GC: variants seen among roughly 807,000 people sequenced by gnomAD.
GC encodes the protein GC vitamin D binding protein.
Under a neutral mutation model 56.7 loss-of-function variants are expected in GC, and 43 were observed. The observed-to-expected ratio is 0.76, with a 90% confidence interval of 0.59 to 0.98. The LOEUF (loss-of-function observed/expected upper bound fraction) is 0.98, where lower values mean the gene tolerates loss of function less well. Among genes scored for constraint, GC ranks in the 50% least tolerant of loss-of-function variants. The pLI, the probability that GC is intolerant of heterozygous loss-of-function variation, is 0.00. For missense variants in GC, 529 were observed against 545.9 expected (o/e 0.97, Z 0.31); for synonymous variants, 216 against 202.7 (o/e 1.07, Z -0.56).
At chr4:71,755,317 CA>C (rs2149296282) in intron 8 of GC, among the ~76,000 whole-genome samples, 1 of 152,076 alleles carries the variant, frequency 6.6e-6, no homozygotes, top group East Asian at 1.9e-4. Flanking sequence ...CGCCCACCAC[CA>C]TGCCCGGCTA....
At chr4:71,768,050 C>T (rs896476518) in intron 3 of GC, among the ~76,000 whole-genome samples, 3 of 152,132 alleles carry the variant, frequency 2.0e-5, no homozygotes, top group Non-Finnish European at 4.4e-5. Context: ...TTCTTGCTAG[C>T]AATGTACATT....
chr4:71,772,146 G>T (rs1336560478), intron 1 of GC, among the ~76,000 whole-genome samples: 1 of 152,074 alleles, frequency 6.6e-6, no homozygotes, highest in Non-Finnish European at 1.5e-5. Context: ...AAGATCACTT[G>T]CTGGGGATTA....
In GC at chr4:71,741,873, A is replaced by G. The variant is rs1463257100; in HGVS notation, c.*26-3T>C. 5 of 702,960 alleles carry G rather than the reference A, an allele frequency of 7.1e-6. No individual in the cohort carries two copies. In the Admixed American group the frequency reaches 1.0e-4, roughly 14 times the overall value. 43.5% of individuals were successfully genotyped at this position (702,960 alleles called of 1,614,324 possible). On this transcript the variant is annotated splice_region_variant and splice_polypyrimidine_tract_variant and intron_variant, in intron 12 of 12. Transcript: ENST00000273951. ...CCCTGGGTGGCTCCAACTCTGGTCT[A>G]TGAGAATAATGAAATGAATTTTATG...
chr4:71,795,823 C>T lies in GC; in HGVS notation c.21+8103G>A, dbSNP rs1246466241. 3.3e-5 allele frequency among the ~76,000 whole-genome samples: 5 copies of T among 152,174 alleles called. No individual in the cohort carries two copies. In the East Asian group the frequency reaches 9.6e-4, roughly 29 times the overall value. On this transcript the variant is annotated intron_variant, in intron 1 of 13. Transcript: ENST00000504199. ...TTGTTCCTTTCCATGTTTAGTGCTT[C>T]CTTCAAGAGCTCTTGTAAGGCAGGT...
Position 71,768,877 on chromosome 4 carries a change from G to A in GC, c.129-444C>T, listed in dbSNP as rs1742259546. ...TTATTTGGCTAATGAAAAAAATGAG[G>A]TTTAATTTAAAAAGCAGTTTTTGTT... On this transcript the variant is annotated intron_variant, in intron 2 of 12. Coordinates refer to ENST00000273951, the MANE Select transcript of GC (RefSeq NM_000583.4). Among the ~76,000 whole-genome samples, 9 of 152,282 alleles carry A rather than the reference G, an allele frequency of 5.9e-5. No homozygotes were observed. The South Asian group carries it at 1.9e-3, about 32-fold the overall frequency.
At chr4:71,759,106 G>A (rs930409140) in intron 6 of GC, among the ~76,000 whole-genome samples, 11 of 151,996 alleles carry the variant, frequency 7.2e-5, no homozygotes, top group African/African-American at 2.2e-4. Context: ...CTTGTAGCAC[G>A]TGACAGGATT....
At chr4:71,784,108 A>C, upstream of GC, 3 of 1,525,142 alleles carry the variant, frequency 2.0e-6, no homozygotes, top group Non-Finnish European at 2.6e-6. Context: ...TCCTTTTTAC[A>C]AAGATTCCTG....
chr4:71,777,629 TA>T (rs1439895504), intron 1 of GC, among the ~76,000 whole-genome samples: 1 of 149,646 alleles, frequency 6.7e-6, no homozygotes, highest in East Asian at 2.0e-4. Flanking sequence ...CAAATAAAAG[TA>T]TTTTCATTTT....
intron 10 of GC, among the ~76,000 whole-genome samples, 166 bp from the exon 11 acceptor site, chr4:71,752,816 G>T (rs1291368352): frequency 1.3e-5 from 2 of 152,080 alleles, no homozygotes; most frequent in African/African-American, 4.8e-5. Flanking sequence ...GTCAATTTGA[G>T]ATCAGAAAGT....
At chr4:71,762,156 G>A (rs997727076) in intron 6 of GC, among the ~76,000 whole-genome samples, 4 of 152,190 alleles carry the variant, frequency 2.6e-5, no homozygotes, top group African/African-American at 4.8e-5. Flanking sequence ...CCACAGAGGT[G>A]GAGCTGCCCA....
chr4:71,804,082 G>A (rs1394050411), upstream of GC: 16 of 689,626 alleles, frequency 2.3e-5, no homozygotes, highest in Admixed American at 3.3e-4. Context: ...AGATTTGTAT[G>A]CAAGCTCCAC....
chr4:71,762,664 G>A lies in GC; in HGVS notation c.701+744C>T, dbSNP rs1330463140. Among the ~76,000 whole-genome samples the A allele has an allele frequency of 2.0e-5, 3 of 152,076 alleles. No homozygotes were observed. The South Asian group carries it at 6.2e-4, about 32-fold the overall frequency. ...CAGTGGAAGGTGATTAAATTATTGG[G>A]GTGGGTCTTTCCTGTGCTGTTCTCA... On this transcript the variant is annotated intron_variant, in intron 6 of 12. Coordinates refer to ENST00000273951, the MANE Select transcript of GC (RefSeq NM_000583.4).
chr4:71,760,642 T>A (rs1741938299), intron 6 of GC, among the ~76,000 whole-genome samples: 1 of 152,176 alleles, frequency 6.6e-6, no homozygotes, highest in African/African-American at 2.4e-5. Context: ...CACACAAATC[T>A]CATCTTCAAT....
chr4:71,769,266 T>G (rs1175198326), intron 2 of GC, 65 bp downstream of exon 2: 8 of 1,187,974 alleles, frequency 6.7e-6, no homozygotes, highest in Non-Finnish European at 1.0e-5. Context: ...GAGTCAAAGT[T>G]ACCTCACACT....
At chr4:71,754,116 G>A (rs1039511338) in intron 10 of GC, among the ~76,000 whole-genome samples, 3 of 152,104 alleles carry the variant, frequency 2.0e-5, no homozygotes, top group African/African-American at 7.2e-5. Context: ...ATGGATGTAT[G>A]GCATAGTGGT....
At chr4:71,760,041 GTTTTT>G (rs66464250) in intron 6 of GC, among the ~76,000 whole-genome samples, 3 of 101,446 alleles carry the variant, frequency 3.0e-5, no homozygotes, top group Admixed American at 1.0e-4. Context: ...AAAGAAACTA[GTTTTT>G]TTTTTTTTTT....
chr4:71,783,207 C>A lies in GC; in HGVS notation c.58+754G>T, dbSNP rs529393426. Among the ~76,000 whole-genome samples, 6 of 151,770 alleles carry A rather than the reference C, an allele frequency of 4.0e-5. No individual in the cohort carries two copies. In the South Asian group the frequency reaches 1.2e-3, roughly 31 times the overall value. ...TTAATTTTACAAAGCAGGATAAATG[C>A]AGATGTCCCTTGTGAACATTAAAGA... On this transcript the variant is annotated intron_variant, in intron 1 of 12. Transcript: ENST00000273951.
intron 1 of GC, among the ~76,000 whole-genome samples, chr4:71,800,956 A>G (rs568933719): frequency 6.6e-6 from 1 of 152,286 alleles, no homozygotes; most frequent in East Asian, 1.9e-4. Context: ...CGATACCAAA[A>G]GAATGAATAT....
At chr4:71,782,178 G>A (rs1742702087) in intron 1 of GC, among the ~76,000 whole-genome samples, 1 of 151,696 alleles carries the variant, frequency 6.6e-6, no homozygotes, top group South Asian at 2.1e-4. Flanking sequence ...GCTGTGGGTG[G>A]TCAGCTCTCT....
Sources: allele counts gnomAD v4.1 joint callset (sites outside exome capture counted in the v4.1 genomes callset), GRCh38; gene constraint gnomAD v4.1.1; transcripts MANE v1.5; gene names NCBI Gene and HGNC (gene_info 2026-07-23, HGNC 2026-07-21).